The following IFRD1 variants were observed in gnomAD, a reference collection of about 807,000 sequenced individuals.
IFRD1 encodes the protein interferon-related developmental regulator 1.
IFRD1 carries 35 observed loss-of-function variants against 52.9 expected under a neutral mutation model. The observed-to-expected ratio is 0.66, with a 90% CI of 0.51 to 0.88. The LOEUF (loss-of-function observed/expected upper bound fraction) is 0.88. Ranked by LOEUF, IFRD1 falls within the 40% of genes least tolerant of loss-of-function variation. IFRD1 has a pLI of 0.00. For synonymous variants in IFRD1, 184 were observed against 188.4 expected, an observed-to-expected ratio of 0.98 and a Z score of 0.19; for missense variants, 517 against 550.8, an observed-to-expected ratio of 0.94 and a Z score of 0.61.
At chr7:112,445,217 C>A (rs890773127) in intron 1 of IFRD1, among the ~76,000 whole-genome samples, 7 of 152,030 alleles carry the variant, frequency 4.6e-5, no homozygotes, top group Non-Finnish European at 8.8e-5. Flanking sequence ...CAGGCGCCCG[C>A]CACCACGCCC....
intron 9 of IFRD1, among the ~76,000 whole-genome samples, chr7:112,470,062 G>T (rs999859199): frequency 1.3e-5 from 2 of 151,976 alleles, no homozygotes; most frequent in Non-Finnish European, 2.9e-5. Context: ...CTTAGTTGTG[G>T]TAGTGGCTGC....
upstream of IFRD1, among the ~76,000 whole-genome samples, chr7:112,448,424 T>G (rs1415480535): frequency 1.3e-5 from 2 of 152,224 alleles, no homozygotes; most frequent in Non-Finnish European, 2.9e-5. Context: ...GCAAAACTGT[T>G]GCCTTATGTA....
At chr7:112,470,110 T>C (rs1229067008) in intron 9 of IFRD1, among the ~76,000 whole-genome samples, 4 of 152,194 alleles carry the variant, frequency 2.6e-5, no homozygotes. Flanking sequence ...TTCTTGAGGC[T>C]CACGGATTCC....
At chr7:112,467,789 G>A in intron 8 of IFRD1, 192 bp from the exon 9 acceptor site, 1 of 602,496 alleles carries the variant, frequency 1.7e-6, no homozygotes, top group East Asian at 3.0e-5. Context: ...TCATCTTGTA[G>A]TCAGCATTTC....
At chr7:112,434,464 G>A (rs1454630768) in intron 1 of IFRD1, among the ~76,000 whole-genome samples, 1 of 152,080 alleles carries the variant, frequency 6.6e-6, no homozygotes, top group East Asian at 1.9e-4. Flanking sequence ...TGATGATAAT[G>A]GTGCCACAAC....
chr7:112,427,827 T>TA (rs1421563299), intron 1 of IFRD1, among the ~76,000 whole-genome samples: 1 of 152,178 alleles, frequency 6.6e-6, no homozygotes, highest in Non-Finnish European at 1.5e-5. Flanking sequence ...GTGCTGCGGA[T>TA]AAAAAAATGC....
At chr7:112,447,287 AAAG>A (rs1163459824), upstream of IFRD1, among the ~76,000 whole-genome samples, 2 of 152,238 alleles carry the variant, frequency 1.3e-5, no homozygotes, top group Non-Finnish European at 2.9e-5. Context: ...TTGTTTTGTA[AAAG>A]AAGAATATAT....
At chr7:112,469,098 G>T (rs1795684198) in intron 9 of IFRD1, among the ~76,000 whole-genome samples, 2 of 152,226 alleles carry the variant, frequency 1.3e-5, no homozygotes, top group Non-Finnish European at 1.5e-5. Flanking sequence ...ATATTTCTTG[G>T]ATTTGAAGGG....
chr7:112,441,277 A>AAAAAC (rs1563259742), intron 1 of IFRD1, among the ~76,000 whole-genome samples: 2 of 151,128 alleles, frequency 1.3e-5, no homozygotes, highest in Non-Finnish European at 3.0e-5. Flanking sequence ...CCTGTCTTAA[A>AAAAAC]AAAAACAAAA....
chr7:112,470,272 C>T (rs1795714416), intron 9 of IFRD1, among the ~76,000 whole-genome samples: 1 of 152,190 alleles, frequency 6.6e-6, no homozygotes, highest in Non-Finnish European at 1.5e-5. Context: ...GAAATTTGAA[C>T]CCACTGTTCT....
intron 8 of IFRD1, among the ~76,000 whole-genome samples, chr7:112,463,955 G>A (rs1307000845): frequency 6.7e-6 from 1 of 149,240 alleles, no homozygotes; most frequent in South Asian, 2.1e-4. Context: ...AACTCATCCA[G>A]ACATATTTCA....
intron 5 of IFRD1, 71 bp downstream of exon 5, chr7:112,459,089 T>C: frequency 7.9e-7 from 1 of 1,265,604 alleles, no homozygotes; most frequent in Non-Finnish European, 1.1e-6. Context: ...CCTATAGTAC[T>C]GTACCAGCTA....
upstream of IFRD1, chr7:112,450,200 G>A (rs891791109): frequency 3.0e-5 from 5 of 164,324 alleles, no homozygotes; most frequent in African/African-American, 1.2e-4. Flanking sequence ...AAAGCCCGTT[G>A]GGAAGAGACG....
chr7:112,440,142 TGC>T (rs1341184867), intron 1 of IFRD1, among the ~76,000 whole-genome samples: 19 of 152,162 alleles, frequency 1.2e-4, no homozygotes, highest in African/African-American at 4.6e-4. Flanking sequence ...TTCGCCACCA[TGC>T]CAAGCTAATT....
chr7:112,451,245 G>A (rs1795154943), intron 1 of IFRD1: 1 of 172,032 alleles, frequency 5.8e-6, no homozygotes, highest in African/African-American at 2.4e-5. Context: ...GTTTGGACGG[G>A]CTCTTGCGTC....
At chr7:112,463,097 T>TA (rs1313340321) in intron 8 of IFRD1, among the ~76,000 whole-genome samples, 11 of 152,178 alleles carry the variant, frequency 7.2e-5, no homozygotes, top group Admixed American at 3.9e-4. Context: ...CCTCAAATCT[T>TA]ACCATTGGAA....
intron 8 of IFRD1, among the ~76,000 whole-genome samples, chr7:112,463,892 ACAC>A (rs746402967): frequency 0.25 from 4,557 of 17,920 alleles, 142 homozygotes; most frequent in Non-Finnish European, 0.35. Context: ...ACACACACAC[ACAC>A]CCCACGTATC....
At chr7:112,470,547 G>T (rs944312668) in intron 9 of IFRD1, among the ~76,000 whole-genome samples, 51 of 152,252 alleles carry the variant, frequency 3.3e-4, no homozygotes, top group South Asian at 1.5e-3. Context: ...TTGCGGGAAG[G>T]TTTGTTGTTT....
chr7:112,454,872 T>G (rs1046378385), intron 1 of IFRD1, among the ~76,000 whole-genome samples: 7 of 144,008 alleles, frequency 4.9e-5, no homozygotes, highest in African/African-American at 7.7e-5. Context: ...TTTTTTTTTT[T>G]TTTTTTTTTT....
Sources: gnomAD v4.1 joint callset for allele counts (sites outside exome capture counted in the v4.1 genomes callset) on GRCh38, gnomAD v4.1.1 for gene constraint, MANE v1.5 for transcripts, NCBI Gene and HGNC (gene_info 2026-07-23, HGNC 2026-07-21) for gene names.